The following NALCN variants were observed in gnomAD, a reference collection of about 807,000 sequenced individuals.
The protein encoded by NALCN is sodium leak channel, non-selective, also known as sodium leak channel NALCN.
NALCN carries 111 observed loss-of-function variants against 225.3 expected under a neutral mutation model. The observed-to-expected ratio is 0.49, with a 90% CI of 0.42 to 0.58. The LOEUF is 0.58. Ranked by LOEUF, NALCN falls within the 20% of genes least tolerant of loss-of-function variation. NALCN has a pLI of 0.00. For synonymous variants in NALCN, 764 were observed against 769.0 expected, an observed-to-expected ratio of 0.99 and a Z score of 0.11; for missense variants, 1,378 against 2,202.4, an observed-to-expected ratio of 0.63 and a Z score of 7.49.
chr13:101,217,151 G>A (rs1045057550), intron 13 of NALCN, among the ~76,000 whole-genome samples: 5 of 151,964 alleles, frequency 3.3e-5, no homozygotes, highest in Non-Finnish European at 7.4e-5. Flanking sequence ...ATAAATGGAG[G>A]AAAAACTGAG....
At chr13:101,171,049 C>T (rs2762147) in intron 15 of NALCN, among the ~76,000 whole-genome samples, 127,183 of 152,108 alleles carry the variant, frequency 0.84, 53,657 homozygotes, top group East Asian at 0.99. Flanking sequence ...TCAACTCTTC[C>T]GTTCAGAGAA....
Position 101,073,656 on chromosome 13 carries a change from A to T in NALCN, c.4125T>A (p.Ala1375=), listed in dbSNP as rs778727780. 6.2e-6 allele frequency: 10 copies of T among 1,613,022 alleles called. No homozygotes were observed. Among genetic ancestry groups the T allele is most frequent in the Middle Eastern group, 1.7e-4 (1 of 6,058 alleles). Residue 1375 remains alanine, a synonymous_variant, in exon 37 of 44, where the codon GCT becomes GCA. Transcript: ENST00000251127. The part of the protein sequence containing the change: ...NINRHANFSS[A]GKAITVLFRI... ...GGAACAGTACGGTAATAGCTTTTCC[A>T]GCCGAAGAAAAATTTGCATGCCTAA... is the stretch of plus-strand genomic sequence containing the variant.
chr13:101,199,649 T>G (rs1594419803), intron 13 of NALCN, among the ~76,000 whole-genome samples: 2 of 66,072 alleles, frequency 3.0e-5, no homozygotes, highest in Non-Finnish European at 5.4e-5. Flanking sequence ...GGGCCTGTTG[T>G]GGGGTGGGGG....
intron 30 of NALCN, among the ~76,000 whole-genome samples, chr13:101,088,788 T>C (rs606318): frequency 0.75 from 114,819 of 152,212 alleles, 44,175 homozygotes; most frequent in African/African-American, 0.88. Flanking sequence ...ACTACATTGT[T>C]ATTTTCCCAT....
At chr13:101,195,826 C>A (rs1269211895) in intron 13 of NALCN, among the ~76,000 whole-genome samples, 2 of 152,158 alleles carry the variant, frequency 1.3e-5, no homozygotes, top group Admixed American at 1.3e-4. Flanking sequence ...GAAGGTATTA[C>A]CATTGCCACT....
Position 101,258,470 on chromosome 13 carries a change from C to T in NALCN, c.1239G>A (p.Arg413=). 2 of 1,614,162 alleles carry T rather than the reference C, an allele frequency of 1.2e-6. No individual in the cohort carries two copies. Among genetic ancestry groups the T allele is most frequent in the Non-Finnish European group, 1.7e-6 (2 of 1,180,020 alleles). The change falls in exon 11 of 44, where the codon AGG becomes AGA. Residue 413 remains arginine, a synonymous_variant. Coordinates refer to ENST00000251127, the MANE Select transcript of NALCN (RefSeq NM_052867.4). ...CCGCCAGGTAGAACTCGTCGTACTGCCTCCTGAAGTTTTCTCCTTTGTAGT... is the reference window on the plus strand; with the variant it reads ...CCGCCAGGTAGAACTCGTCGTACTGTCTCCTGAAGTTTTCTCCTTTGTAGT... ...SNYYKGENFR[R]QYDEFYLAEV...
intron 1 of NALCN, among the ~76,000 whole-genome samples, chr13:101,416,050 G>A (rs1057090565): frequency 3.9e-5 from 6 of 152,072 alleles, no homozygotes; most frequent in Admixed American, 3.9e-4. Context: ...AATAGGGAGG[G>A]CGCATCGCGG....
chr13:101,086,015 C>T (rs894022666), intron 30 of NALCN, among the ~76,000 whole-genome samples: 1 of 152,026 alleles, frequency 6.6e-6, no homozygotes, highest in African/African-American at 2.4e-5. Context: ...ATACCTATAA[C>T]AATACTGACA....
intron 9 of NALCN, 91 bp downstream of exon 9, chr13:101,291,899 C>T: frequency 7.9e-7 from 1 of 1,272,404 alleles, no homozygotes; most frequent in East Asian, 2.5e-5. Context: ...AGAAGCCCAT[C>T]ATGCAAGAGC....
At chr13:101,057,729 C>T (rs190019134) in intron 43 of NALCN, 2 of 570,100 alleles carry the variant, frequency 3.5e-6, no homozygotes, top group Non-Finnish European at 6.3e-6. Flanking sequence ...CTGAAATGTA[C>T]CCGGAAAATG....
chr13:101,234,535 A>G (rs2041474540), intron 12 of NALCN, among the ~76,000 whole-genome samples: 1 of 152,214 alleles, frequency 6.6e-6, no homozygotes, highest in African/African-American at 2.4e-5. Flanking sequence ...CCTTTATACA[A>G]AGAGCCGCTC....
At chr13:101,113,381 C>T (rs923073749) in intron 18 of NALCN, among the ~76,000 whole-genome samples, 4 of 152,172 alleles carry the variant, frequency 2.6e-5, no homozygotes, top group East Asian at 1.9e-4. Flanking sequence ...CATGATAGGA[C>T]GTTTCTGCAT....
intron 7 of NALCN, among the ~76,000 whole-genome samples, chr13:101,321,139 T>C (rs963063331): frequency 6.6e-6 from 1 of 152,210 alleles, no homozygotes; most frequent in African/African-American, 2.4e-5. Flanking sequence ...TAGAATCCTA[T>C]GTACGATTCT....
At position 101,089,581 on chromosome 13, in the gene NALCN, C is replaced by G. The variant is rs946244411; in HGVS notation, c.3489+82G>C. The stretch of plus-strand genomic sequence containing the variant: ...ATTACAGTTTAAAGCGGCTTCACGC[C>G]GCGTGTGAAAAGAAACAAATAGCTC... On this transcript the variant is annotated intron_variant, in intron 30 of 43. Coordinates refer to ENST00000251127, the MANE Select transcript of NALCN (RefSeq NM_052867.4). The surrounding 1 kb of genome is among the most constrained non-coding windows in gnomAD (Gnocchi z 4.7). The G allele has an allele frequency of 2.2e-4, 279 of 1,249,736 alleles. No homozygotes were observed. The Admixed American group carries it at 5.3e-3, about 24-fold the overall frequency. 77.4% of individuals were successfully genotyped at this position (1,249,736 alleles called of 1,614,324 possible). A position where few individuals can be genotyped will look rare whatever the true frequency, so the allele number is the denominator to read the frequency against.
At chr13:101,248,450 T>C (rs1231418262) in intron 11 of NALCN, among the ~76,000 whole-genome samples, 5 of 152,184 alleles carry the variant, frequency 3.3e-5, no homozygotes, top group Admixed American at 6.5e-5. Flanking sequence ...AATTTGCCAA[T>C]TGATAGGTAT....
intron 33 of NALCN, 63 bp downstream of exon 33, chr13:101,082,746 G>C: frequency 6.5e-7 from 1 of 1,533,996 alleles, no homozygotes; most frequent in South Asian, 1.1e-5. Flanking sequence ...ATCAAAGAGG[G>C]AGGCTGATTT....
At chr13:101,355,377 A>AG (rs2046024973) in intron 6 of NALCN, among the ~76,000 whole-genome samples, 1 of 151,798 alleles carries the variant, frequency 6.6e-6, no homozygotes, top group South Asian at 2.1e-4. Context: ...GGAAAGAAAA[A>AG]AAAAAATCAG....
At chr13:101,372,170 T>G (rs1266455615) in intron 6 of NALCN, among the ~76,000 whole-genome samples, 2 of 152,116 alleles carry the variant, frequency 1.3e-5, no homozygotes, top group African/African-American at 2.4e-5. Context: ...TGACACGTTA[T>G]GCGCCTAATT....
In NALCN at chr13:101,208,520, T is replaced by C. The variant is rs180938687; in HGVS notation, c.1627-16466A>G. The stretch of plus-strand genomic sequence containing the variant: ...ACTTGTTTAATATGTCTTTTAATCA[T>C]TCATTGTGACACTTTGTTACATGTT... On this transcript the variant is annotated intron_variant, in intron 13 of 43. Transcript: ENST00000251127. Among the ~76,000 whole-genome samples the C allele has an allele frequency of 2.6e-5, 4 of 152,370 alleles. No homozygotes were observed. In the East Asian group the frequency reaches 7.7e-4, roughly 29 times the overall value.
Sources: gnomAD v4.1 joint callset for allele counts (sites outside exome capture counted in the v4.1 genomes callset) on GRCh38, gnomAD v4.1.1 for gene constraint, Gnocchi (gnomAD v3.1) non-coding constraint, MANE v1.5 for transcripts, NCBI Gene and HGNC (gene_info 2026-07-23, HGNC 2026-07-21) for gene names.